Variants in CA1 observed in about 807,000 individuals in gnomAD.
CA1 encodes the protein carbonic anhydrase 1, also known as carbonate dehydratase I.
CA1 carries 27 observed loss-of-function variants against 28.8 expected under a neutral mutation model. The observed-to-expected ratio is 0.94, with a 90% CI of 0.69 to 1.29. The LOEUF is 1.29. Among genes scored for constraint, CA1 ranks in the 50% most tolerant of loss-of-function variants. The pLI, the probability that CA1 is intolerant of heterozygous loss-of-function variation, is 0.00. For synonymous variants in CA1, 121 were observed against 108.8 expected (o/e 1.11, Z -0.70); for missense variants, 335 against 310.5 (o/e 1.08, Z -0.59).
intron 1 of CA1, among the ~76,000 whole-genome samples, chr8:85,344,507 T>C (rs916029597): frequency 2.6e-5 from 4 of 151,430 alleles, no homozygotes; most frequent in Non-Finnish European, 4.4e-5. Flanking sequence ...AAATCAGTTT[T>C]AAATTATATT....
chr8:85,364,336 G>C (rs1202414431), intron 1 of CA1, among the ~76,000 whole-genome samples: 1 of 152,154 alleles, frequency 6.6e-6, no homozygotes, highest in Non-Finnish European at 1.5e-5. Flanking sequence ...TTGCCATAGA[G>C]TTTGTTTTAC....
chr8:85,333,695 T>C, intron 4 of CA1, 75 bp from the exon 5 acceptor site: 2 of 929,384 alleles, frequency 2.2e-6, no homozygotes, highest in East Asian at 5.3e-5. Context: ...GTTAACTTGT[T>C]ACCATATGAT....
At chr8:85,334,749 T>G (rs1808574430) in intron 4 of CA1, among the ~76,000 whole-genome samples, 1 of 152,100 alleles carries the variant, frequency 6.6e-6, no homozygotes, top group African/African-American at 2.4e-5. Flanking sequence ...TTCCAGCACT[T>G]TGGGAGGCCG....
At chr8:85,333,685 GTTAAC>G in intron 4 of CA1, 65 bp from the exon 5 acceptor site, 1 of 1,012,582 alleles carries the variant, frequency 9.9e-7, no homozygotes, top group Non-Finnish European at 1.5e-6. Context: ...TAAGTTATAA[GTTAAC>G]TTGTTACCAT....
At chr8:85,355,346 C>G (rs1157838934) in intron 1 of CA1, among the ~76,000 whole-genome samples, 3 of 152,036 alleles carry the variant, frequency 2.0e-5, no homozygotes, top group Non-Finnish European at 4.4e-5. Flanking sequence ...AACTTTAAAG[C>G]TTAGTGAGAA....
In CA1 at chr8:85,373,767, G is replaced by T. The variant is rs138051885; in HGVS notation, c.-25+4279C>A. Among the ~76,000 whole-genome samples, 5 of 152,252 alleles carry T rather than the reference G, an allele frequency of 3.3e-5. No individual in the cohort carries two copies. In the East Asian group the frequency reaches 7.7e-4, roughly 23 times the overall value. Reference sequence around the variant, plus strand: ...ATATTATTCAGCCTTAAAAAGAAATGATACATGCTACAATATGGAGGAAGA... The same window carrying T: ...ATATTATTCAGCCTTAAAAAGAAATTATACATGCTACAATATGGAGGAAGA... On this transcript the variant is annotated intron_variant, in intron 1 of 7. Coordinates refer to ENST00000523022, the MANE Select transcript of CA1 (RefSeq NM_001128831.4).
intron 1 of CA1, among the ~76,000 whole-genome samples, chr8:85,344,291 GTATATAATATAAT>G (rs1809081926): frequency 5.6e-5 from 3 of 53,954 alleles, no homozygotes; most frequent in African/African-American, 1.9e-4. Flanking sequence ...ATTATATACA[GTATATAATATAAT>G]TATATATTAT....
intron 1 of CA1, among the ~76,000 whole-genome samples, chr8:85,374,476 C>G (rs1810338386): frequency 6.6e-6 from 1 of 152,130 alleles, no homozygotes; most frequent in South Asian, 2.1e-4. Flanking sequence ...TCTTAATACA[C>G]AGGATTCTTT....
At chr8:85,375,509 T>A (rs1413668393) in intron 1 of CA1, among the ~76,000 whole-genome samples, 1 of 128,374 alleles carries the variant, frequency 7.8e-6, no homozygotes, top group East Asian at 2.2e-4. Context: ...GTTTTTTTCC[T>A]TTTCTTTTGA....
chr8:85,362,251 T>C (rs1025301050), intron 1 of CA1, among the ~76,000 whole-genome samples: 8 of 152,342 alleles, frequency 5.3e-5, no homozygotes, highest in Non-Finnish European at 1.0e-4. Context: ...TTTGTGATTA[T>C]ATCAGGCCCA....
chr8:85,363,742 C>T (rs1438171398), intron 1 of CA1, among the ~76,000 whole-genome samples: 2 of 152,178 alleles, frequency 1.3e-5, no homozygotes, highest in Non-Finnish European at 2.9e-5. Context: ...AGCCTTTGCT[C>T]CCTCATATCC....
intron 1 of CA1, among the ~76,000 whole-genome samples, chr8:85,352,914 C>G (rs889935914): frequency 1.3e-5 from 2 of 152,084 alleles, no homozygotes; most frequent in Admixed American, 1.3e-4. Context: ...AATCCAGGAC[C>G]TCTTACACCA....
chr8:85,374,388 T>A (rs1269045714), intron 1 of CA1, among the ~76,000 whole-genome samples: 1 of 152,206 alleles, frequency 6.6e-6, no homozygotes, highest in Non-Finnish European at 1.5e-5. Context: ...CATGGTTGAT[T>A]AAAATTTTTG....
chr8:85,374,769 A>G (rs1810347649), intron 1 of CA1, among the ~76,000 whole-genome samples: 1 of 152,186 alleles, frequency 6.6e-6, no homozygotes, highest in Non-Finnish European at 1.5e-5. Flanking sequence ...ACTTTTCAAT[A>G]TGACTTCTGG....
At chr8:85,372,382 G>A (rs1214742424) in intron 1 of CA1, among the ~76,000 whole-genome samples, 1 of 152,170 alleles carries the variant, frequency 6.6e-6, no homozygotes, top group Non-Finnish European at 1.5e-5. Flanking sequence ...GGAATGTAAA[G>A]AGCTGTCACC....
chr8:85,368,488 C>G (rs1810093228), intron 1 of CA1, among the ~76,000 whole-genome samples: 1 of 151,862 alleles, frequency 6.6e-6, no homozygotes, highest in East Asian at 1.9e-4. Context: ...TTTAAAAATT[C>G]TACCTGTGTT....
chr8:85,350,166 C>G (rs1809350923), intron 1 of CA1, among the ~76,000 whole-genome samples: 1 of 152,138 alleles, frequency 6.6e-6, no homozygotes, highest in Admixed American at 6.5e-5. Flanking sequence ...AAGCAGATTT[C>G]TAAGATGGGT....
chr8:85,328,858 T>C (rs1808281340), intron 7 of CA1, among the ~76,000 whole-genome samples, 182 bp from the exon 8 acceptor site: 1 of 152,108 alleles, frequency 6.6e-6, no homozygotes, highest in African/African-American at 2.4e-5. Flanking sequence ...GGCATTTTGC[T>C]TTAATTATTG....
At chr8:85,363,280 T>C (rs1809869820) in intron 1 of CA1, among the ~76,000 whole-genome samples, 1 of 152,214 alleles carries the variant, frequency 6.6e-6, no homozygotes, top group Admixed American at 6.5e-5. Flanking sequence ...CACAGCACAA[T>C]AAATAATTCT....
Sources: gnomAD v4.1 joint callset for allele counts (sites outside exome capture counted in the v4.1 genomes callset) on GRCh38, gnomAD v4.1.1 for gene constraint, MANE v1.5 for transcripts, NCBI Gene and HGNC (gene_info 2026-07-23, HGNC 2026-07-21) for gene names.